The following LRP1B variants were observed in gnomAD, a reference collection of about 807,000 sequenced individuals.
The protein encoded by LRP1B is LDL receptor related protein 1B, also known as low-density lipoprotein receptor-related protein 1B.
LRP1B carries 217 observed loss-of-function variants against 556.6 expected under a neutral mutation model. The observed-to-expected ratio is 0.39, with a 90% CI of 0.35 to 0.44. The LOEUF (loss-of-function observed/expected upper bound fraction) is 0.44, where lower values mean the gene tolerates loss of function less well. Among genes scored for constraint, LRP1B ranks in the 20% least tolerant of loss-of-function variants. The pLI is 1.00. For missense variants in LRP1B, 5,053 were observed against 5,620.8 expected (o/e 0.90, Z 3.23); for synonymous variants, 2,047 against 1,865.8 (o/e 1.10, Z -2.50).
intron 3 of LRP1B, among the ~76,000 whole-genome samples, chr2:141,332,232 T>C (rs886897118): frequency 1.3e-5 from 2 of 152,138 alleles, no homozygotes; most frequent in African/African-American, 2.4e-5. Context: ...TTAATTAATT[T>C]ACTTTTCTGA....
intron 2 of LRP1B, among the ~76,000 whole-genome samples, chr2:141,648,940 A>C (rs922330014): frequency 1.3e-5 from 2 of 152,238 alleles, no homozygotes; most frequent in Admixed American, 1.3e-4. Context: ...GCATTTAATT[A>C]GTTTCTTCAT....
chr2:140,543,218 G>A (rs1399305958), intron 43 of LRP1B, among the ~76,000 whole-genome samples: 1 of 151,746 alleles, frequency 6.6e-6, no homozygotes, highest in East Asian at 1.9e-4. Flanking sequence ...AATATAAAAA[G>A]GAAGAAAATT....
At chr2:141,599,204 T>A (rs1018220714) in intron 2 of LRP1B, among the ~76,000 whole-genome samples, 1 of 151,898 alleles carries the variant, frequency 6.6e-6, no homozygotes, top group African/African-American at 2.4e-5. Flanking sequence ...TCATAGCTAC[T>A]GTGTTACTGC....
intron 1 of LRP1B, among the ~76,000 whole-genome samples, chr2:142,087,466 A>G (rs1270007025): frequency 6.6e-6 from 1 of 151,808 alleles, no homozygotes; most frequent in Admixed American, 6.6e-5. Flanking sequence ...TGGACCTCCA[A>G]AGAGAAATTA....
intron 1 of LRP1B, among the ~76,000 whole-genome samples, chr2:142,035,188 G>T (rs1703836444): frequency 6.6e-6 from 1 of 151,688 alleles, no homozygotes; most frequent in Non-Finnish European, 1.5e-5. Flanking sequence ...TAGTCGCAAA[G>T]ATGCTGATGC....
At chr2:141,621,803 AAAG>A (rs1371946503) in intron 2 of LRP1B, among the ~76,000 whole-genome samples, 2 of 152,220 alleles carry the variant, frequency 1.3e-5, no homozygotes, top group Non-Finnish European at 2.9e-5. Context: ...AGGAATAAGA[AAAG>A]AAGAAAAGAA....
intron 66 of LRP1B, among the ~76,000 whole-genome samples, chr2:140,404,657 A>G (rs1043619337): frequency 6.6e-6 from 1 of 152,230 alleles, no homozygotes; most frequent in Admixed American, 6.5e-5. Flanking sequence ...TTTAAAAATC[A>G]CTAAACAAGT....
At chr2:140,784,412 A>ACACACC (rs1227810397) in intron 32 of LRP1B, among the ~76,000 whole-genome samples, 1 of 144,946 alleles carries the variant, frequency 6.9e-6, no homozygotes, top group East Asian at 2.0e-4. Flanking sequence ...ACACACACAC[A>ACACACC]CACACACACA....
At chr2:141,446,096 G>A (rs1451129026) in intron 3 of LRP1B, among the ~76,000 whole-genome samples, 4 of 152,120 alleles carry the variant, frequency 2.6e-5, no homozygotes, top group Non-Finnish European at 5.9e-5. Flanking sequence ...ATGAATCTGG[G>A]TGCTCCTGTA....
At chr2:140,339,758 T>C (rs750791572) in intron 77 of LRP1B, among the ~76,000 whole-genome samples, 3 of 151,592 alleles carry the variant, frequency 2.0e-5, no homozygotes, top group African/African-American at 4.8e-5. Context: ...ATTTCATATA[T>C]CAATCAAGGA....
At chr2:141,621,130 A>G (rs569932751) in intron 2 of LRP1B, among the ~76,000 whole-genome samples, 9 of 152,258 alleles carry the variant, frequency 5.9e-5, no homozygotes, top group African/African-American at 1.9e-4. Context: ...TCCAACCCTC[A>G]TATGTTTTAC....
chr2:140,855,919 T>G (rs1250115798), intron 27 of LRP1B, among the ~76,000 whole-genome samples: 1 of 152,212 alleles, frequency 6.6e-6, no homozygotes, highest in Non-Finnish European at 1.5e-5. Context: ...TCATTTTCAC[T>G]GCCAAATTTA....
At chr2:140,509,446 C>A (rs959928261) in intron 52 of LRP1B, among the ~76,000 whole-genome samples, 1 of 152,124 alleles carries the variant, frequency 6.6e-6, no homozygotes, top group African/African-American at 2.4e-5. Context: ...TATATCCATA[C>A]TATTTTTACA....
At chr2:141,318,986 T>C (rs1233061921) in intron 3 of LRP1B, among the ~76,000 whole-genome samples, 1 of 152,034 alleles carries the variant, frequency 6.6e-6, no homozygotes, top group African/African-American at 2.4e-5. Flanking sequence ...CAAAAACAGT[T>C]CAGCAAAATT....
At chr2:141,551,183 C>T (rs940591898) in intron 2 of LRP1B, among the ~76,000 whole-genome samples, 6 of 151,610 alleles carry the variant, frequency 4.0e-5, no homozygotes, top group Admixed American at 6.6e-5. Context: ...TAGTTGGACA[C>T]TGTAGCTAAT....
In LRP1B at chr2:140,335,684, G is replaced by A. The variant is rs150957163; in HGVS notation, c.12047C>T (p.Pro4016Leu). 3.7e-3 allele frequency: 5,980 copies of A among 1,612,452 alleles called. 9 individuals are homozygous for A. Among genetic ancestry groups the A allele is most frequent in the Middle Eastern group, 7.4e-3 (45 of 6,052 alleles). The change falls in exon 78 of 91, where the codon CCC becomes CTC. Residue 4016 changes from proline to leucine, a missense_variant. By Grantham distance (98) the Pro-to-Leu change is moderately conservative. Around this residue, in one of 5 missense-constraint regions of LRP1B, gnomAD observed 599 missense variants for 648.4 expected, o/e 0.92. Transcript: ENST00000389484. The part of the protein sequence containing the change: ...YSINVGQLNG[P>L]NCTRLLTNMA... ...ATTTGTTAAGAGTCTGGTGCAGTTG[G>A]GGCCATTCAGCTGCCCTACGTTGAT... is the stretch of plus-strand genomic sequence containing the variant.
chr2:140,448,497 G>T (rs979693269), intron 63 of LRP1B, among the ~76,000 whole-genome samples: 1 of 152,054 alleles, frequency 6.6e-6, no homozygotes, highest in Admixed American at 6.6e-5. Context: ...TGTCATACCA[G>T]CCAGGCAAAG....
At chr2:140,975,640 G>A (rs530185069) in intron 18 of LRP1B, among the ~76,000 whole-genome samples, 1 of 152,144 alleles carries the variant, frequency 6.6e-6, no homozygotes, top group African/African-American at 2.4e-5. Context: ...ATTGTGTGGT[G>A]CAAAGATATT....
At chr2:141,820,116 T>C (rs1442261254) in intron 1 of LRP1B, among the ~76,000 whole-genome samples, 1 of 152,156 alleles carries the variant, frequency 6.6e-6, no homozygotes, top group African/African-American at 2.4e-5. Context: ...ATAACAACCA[T>C]GAAAACTGAA....
Sources: allele counts gnomAD v4.1 joint callset (sites outside exome capture counted in the v4.1 genomes callset), GRCh38; gene constraint gnomAD v4.1.1; regional missense constraint gnomAD v4.1.1; transcripts MANE v1.5; gene names NCBI Gene and HGNC (gene_info 2026-07-23, HGNC 2026-07-21).